TRAPPC9: variants seen among roughly 807,000 people sequenced by gnomAD.
The protein encoded by TRAPPC9 is trafficking protein particle complex subunit 9.
In TRAPPC9, 83 loss-of-function variants were observed where a neutral mutation model predicts 124.0. The ratio of observed to expected loss-of-function variants is 0.67; its 90% CI spans 0.56 to 0.80. TRAPPC9 has a LOEUF of 0.80. TRAPPC9 is among the 30% of genes least tolerant of loss of function. The probability of loss-of-function intolerance (pLI) is 0.00; values close to 1 mark genes in which losing one functional copy is unlikely to be tolerated. For missense variants in TRAPPC9, 1,302 were observed against 1,508.3 expected, an observed-to-expected ratio of 0.86 and a Z score of 2.27; for synonymous variants, 638 against 617.5, an observed-to-expected ratio of 1.03 and a Z score of -0.49.
chr8:139,761,102 A>G (rs543777376), intron 21 of TRAPPC9, among the ~76,000 whole-genome samples: 3 of 152,332 alleles, frequency 2.0e-5, no homozygotes, highest in East Asian at 3.9e-4. Flanking sequence ...GGGTTTTTGA[A>G]GGCAACTTGG....
At position 139,857,298 on chromosome 8, in the gene TRAPPC9, G is replaced by A. The variant is rs574394688; in HGVS notation, c.3055+28581C>T. ...GGTTTGTATCTTGAGGATAAAGAGTGCTAATGAACATTTGCAGGGGAAGGC... is the reference window on the plus strand; with the variant it reads ...GGTTTGTATCTTGAGGATAAAGAGTACTAATGAACATTTGCAGGGGAAGGC... On this transcript the variant is annotated intron_variant, in intron 21 of 22. Transcript: ENST00000438773. 2.6e-4 allele frequency among the ~76,000 whole-genome samples: 39 copies of A among 152,322 alleles called. 1 individual carries two copies. The South Asian group carries it at 5.2e-3, about 20-fold the overall frequency.
Position 139,729,277 on chromosome 8 carries a change from G to A in TRAPPC9, c.*1784C>T, listed in dbSNP as rs1817690833. Among the ~76,000 whole-genome samples the A allele has an allele frequency of 6.6e-6, 1 of 152,252 alleles. No individual in the cohort carries two copies. The highest frequency in any genetic ancestry group is 2.1e-4 in the South Asian group (1 of 4,836). ...TTGTCTACACAAGTGAGGTTGGGCTGAGCCCATCATCCTGCAATGTGTTGT... is the reference window on the plus strand; with the variant it reads ...TTGTCTACACAAGTGAGGTTGGGCTAAGCCCATCATCCTGCAATGTGTTGT... On this transcript the variant is annotated 3_prime_UTR_variant, in exon 23 of 23. Transcript: ENST00000438773.
At chr8:140,145,842 G>A (rs2061454253) in intron 17 of TRAPPC9, among the ~76,000 whole-genome samples, 1 of 126,378 alleles carries the variant, frequency 7.9e-6, no homozygotes, top group Non-Finnish European at 1.7e-5. Flanking sequence ...TTTTAACTCA[G>A]AGGTATTTTT....
intron 9 of TRAPPC9, among the ~76,000 whole-genome samples, chr8:140,350,939 T>G (rs2067549221): frequency 6.6e-6 from 1 of 151,354 alleles, no homozygotes; most frequent in Admixed American, 6.6e-5. Context: ...AATGAAGCAA[T>G]GGGAGGCTGG....
At chr8:140,014,236 T>C (rs1839320523) in intron 18 of TRAPPC9, among the ~76,000 whole-genome samples, 1 of 152,124 alleles carries the variant, frequency 6.6e-6, no homozygotes, top group African/African-American at 2.4e-5. Context: ...TCGTTTATTG[T>C]AACAGGCTAG....
At chr8:140,457,613 C>G (rs1304099769) in intron 1 of TRAPPC9, 26 bp downstream of exon 1, 1 of 985,696 alleles carries the variant, frequency 1.0e-6, no homozygotes, top group East Asian at 1.1e-4. Context: ...ATTGCCTGAC[C>G]GGGAGCCCCC....
intron 21 of TRAPPC9, among the ~76,000 whole-genome samples, chr8:139,740,747 C>T (rs184055511): frequency 3.9e-5 from 6 of 152,326 alleles, no homozygotes; most frequent in South Asian, 2.1e-4. Flanking sequence ...TCCATGGGGA[C>T]GGGGCCCCAA....
At chr8:140,151,201 G>A (rs1279005984) in intron 17 of TRAPPC9, among the ~76,000 whole-genome samples, 4 of 152,190 alleles carry the variant, frequency 2.6e-5, no homozygotes, top group Non-Finnish European at 5.9e-5. Context: ...GGGGAGCACA[G>A]CCTCAGGTGG....
At chr8:140,059,884 T>C (rs1452526114) in intron 17 of TRAPPC9, among the ~76,000 whole-genome samples, 1 of 152,350 alleles carries the variant, frequency 6.6e-6, no homozygotes, top group Non-Finnish European at 1.5e-5. Context: ...ATTATATTTA[T>C]GATTTCCTTT....
chr8:140,252,945 T>G lies in TRAPPC9; in HGVS notation c.2279-16A>C. On this transcript the variant is annotated splice_polypyrimidine_tract_variant and intron_variant, in intron 15 of 22. Transcript: ENST00000438773. The surrounding 1 kb of genome is among the most constrained non-coding windows in gnomAD (Gnocchi z 4.2). Reference sequence around the variant, plus strand: ...TACAATTTTTCTGTAATAATAACAATGACAGTGATGAGGATGCTGTAACTG... The same window carrying G: ...TACAATTTTTCTGTAATAATAACAAGGACAGTGATGAGGATGCTGTAACTG... 6.2e-7 allele frequency: 1 copy of G among 1,613,116 alleles called. No individual in the cohort carries two copies. The highest frequency in any genetic ancestry group is 8.5e-7 in the Non-Finnish European group (1 of 1,179,822).
intron 19 of TRAPPC9, among the ~76,000 whole-genome samples, chr8:139,974,469 T>A (rs905733469): frequency 6.6e-6 from 1 of 152,176 alleles, no homozygotes; most frequent in Non-Finnish European, 1.5e-5. Flanking sequence ...AACACCCACA[T>A]GACCTCACTA....
chr8:140,005,322 C>T (rs1464240031), intron 18 of TRAPPC9, among the ~76,000 whole-genome samples: 1 of 152,148 alleles, frequency 6.6e-6, no homozygotes, highest in Non-Finnish European at 1.5e-5. Context: ...GCAAGCTGAA[C>T]CTGCAGAGTA....
At chr8:139,975,735 A>T (rs1007390985) in intron 19 of TRAPPC9, among the ~76,000 whole-genome samples, 12 of 151,764 alleles carry the variant, frequency 7.9e-5, no homozygotes, top group African/African-American at 2.9e-4. Context: ...TTCCCTCCCA[A>T]CTTCACCCCA....
At chr8:140,034,006 T>C (rs1840722345) in intron 17 of TRAPPC9, among the ~76,000 whole-genome samples, 1 of 152,212 alleles carries the variant, frequency 6.6e-6, no homozygotes, top group Non-Finnish European at 1.5e-5. Context: ...ATTAACCTTT[T>C]CACATCTGTA....
intron 14 of TRAPPC9, among the ~76,000 whole-genome samples, chr8:140,283,294 C>CTTTT (rs376320364): frequency 5.0e-4 from 49 of 97,238 alleles, no homozygotes; most frequent in African/African-American, 9.4e-4. Context: ...ATTAAAATTC[C>CTTTT]TTTTTTTTTT....
intron 21 of TRAPPC9, among the ~76,000 whole-genome samples, chr8:139,748,835 C>T (rs573629958): frequency 3.9e-4 from 60 of 152,182 alleles, no homozygotes; most frequent in African/African-American, 1.3e-3. Context: ...GGCACTTCCT[C>T]CCCCCAGGCC....
chr8:139,961,869 CAG>C lies in TRAPPC9; in HGVS notation c.2810+26855_2810+26856del, dbSNP rs1297563984. Among the ~76,000 whole-genome samples, 70 of 123,894 alleles carry C rather than the reference CAG, an allele frequency of 5.6e-4. 26 individuals are homozygous for C. The highest frequency in any genetic ancestry group is 1.3e-3 in the Non-Finnish European group (66 of 51,922). 81.3% of individuals were successfully genotyped at this position (123,894 alleles called of 152,430 possible). A position where few individuals can be genotyped will look rare whatever the true frequency, so the allele number is the denominator to read the frequency against. Reference sequence around the variant, plus strand: ...TCAGCCAGGGTAGAAGAGAGGATGACAGAGGATAGCCAGAGGACAAACAGGGC... The same window carrying C: ...TCAGCCAGGGTAGAAGAGAGGATGACAGGATAGCCAGAGGACAAACAGGGC... On this transcript the variant is annotated intron_variant, in intron 19 of 22. Transcript: ENST00000438773.
At chr8:140,407,074 C>T (rs539001648) in intron 5 of TRAPPC9, among the ~76,000 whole-genome samples, 2 of 152,158 alleles carry the variant, frequency 1.3e-5, no homozygotes, top group African/African-American at 4.8e-5. Flanking sequence ...GAAGCAGGAC[C>T]TACGTCAGGA....
At chr8:140,339,085 C>T (rs1218059776) in intron 9 of TRAPPC9, among the ~76,000 whole-genome samples, 4 of 150,816 alleles carry the variant, frequency 2.7e-5, no homozygotes, top group South Asian at 2.1e-4. Context: ...ACCTACAGGC[C>T]GACGGGAAAC....
Sources: allele counts gnomAD v4.1 joint callset (sites outside exome capture counted in the v4.1 genomes callset), GRCh38; gene constraint gnomAD v4.1.1; non-coding constraint Gnocchi (gnomAD v3.1); transcripts MANE v1.5; gene names NCBI Gene and HGNC (gene_info 2026-07-23, HGNC 2026-07-21).